TOMM40L: variants seen among roughly 807,000 people sequenced by gnomAD.
TOMM40L encodes the protein mitochondrial import receptor subunit TOM40B.
In TOMM40L, 17 loss-of-function variants were observed where a neutral mutation model predicts 38.3. That is an observed-to-expected ratio of 0.44 (90% CI 0.30 to 0.67). The LOEUF is 0.67. TOMM40L is among the 30% of genes least tolerant of loss of function. TOMM40L has a pLI of 0.08. For missense variants in TOMM40L, 294 were observed against 390.0 expected, an observed-to-expected ratio of 0.75 and a Z score of 2.07; for synonymous variants, 151 against 150.2, an observed-to-expected ratio of 1.01 and a Z score of -0.04.
rs888019100 is a variant in TOMM40L at position 161,227,314 on chromosome 1, G to A, written c.240G>A (p.Ala80=). 3 of 1,614,122 alleles carry A rather than the reference G, an allele frequency of 1.9e-6. No homozygotes were observed. Among genetic ancestry groups the A allele is most frequent in the Non-Finnish European group, 2.5e-6 (3 of 1,180,030 alleles). Residue 80 remains alanine, a synonymous_variant, in exon 4 of 10, where the codon GCG becomes GCA. Transcript: ENST00000367988. ...GCTTGCCGGGATATCACCTCCATGC[G>A]GCCTATGCAGGGGATTGGCAGCTCA... ...ALGLPGYHLH[A]AYAGDWQLSP...
rs1292298715 is a variant in TOMM40L at position 161,230,098 on chromosome 1, G to A, written c.*1003G>A. 1.4e-6 allele frequency: 1 copy of A among 722,428 alleles called. No individual in the cohort carries two copies. Among genetic ancestry groups the A allele is most frequent in the Non-Finnish European group, 2.2e-6 (1 of 449,106 alleles). 44.8% of individuals were successfully genotyped at this position (722,428 alleles called of 1,614,324 possible). A position where few individuals can be genotyped will look rare whatever the true frequency, so the allele number is the denominator to read the frequency against. On this transcript the variant is annotated 3_prime_UTR_variant, in exon 10 of 10. Coordinates refer to ENST00000367988, the MANE Select transcript of TOMM40L (RefSeq NM_032174.6). ...TATCAGAGGTTCCAAAGGTCCTCCA[G>A]GGGGCCTCGGTCTGACACTGTCTTC...
chr1:161,230,720 A>T lies in TOMM40L; in HGVS notation c.*1625A>T. On this transcript the variant is annotated 3_prime_UTR_variant, in exon 10 of 10. Transcript: ENST00000367988. ...CACGATACCTGAATTCCCTAAGGAA[A>T]GGACAGTAAAAAAACATTCCTCCCA... 1 of 1,554,714 alleles carries T rather than the reference A, an allele frequency of 6.4e-7. No individual in the cohort carries two copies. Among genetic ancestry groups the T allele is most frequent in the Non-Finnish European group, 8.8e-7 (1 of 1,137,014 alleles).
chr1:161,226,388 C>T lies in TOMM40L; in HGVS notation c.-102C>T. On this transcript the variant is annotated 5_prime_UTR_variant, in exon 2 of 10. Coordinates refer to ENST00000367988, the MANE Select transcript of TOMM40L (RefSeq NM_032174.6). ...TCGGACCATGTGGAAGTTTCTGAGGCTGGGGAGCCGGATAATGGGGGGTGG... is the reference window on the plus strand; with the variant it reads ...TCGGACCATGTGGAAGTTTCTGAGGTTGGGGAGCCGGATAATGGGGGGTGG... 3.9e-6 allele frequency: 4 copies of T among 1,021,130 alleles called. 1 individual carries two copies. The South Asian group carries it at 6.3e-5, about 16-fold the overall frequency. The allele number at this position is 1,021,130 out of a possible 1,614,324, so 63.3% of individuals were successfully genotyped here. A position where few individuals can be genotyped will look rare whatever the true frequency, so the allele number is the denominator to read the frequency against.
Position 161,226,972 on chromosome 1 carries a change from G to T in TOMM40L, c.183+17G>T. ...CATTTCCAGGTGCTCCCACTTCTCT[G>T]GCCCCTCCTTACTATTCCCCCTTTC... is the stretch of plus-strand genomic sequence containing the variant. On this transcript the variant is annotated intron_variant, in intron 3 of 9. Transcript: ENST00000367988. The T allele has an allele frequency of 6.2e-7, 1 of 1,613,896 alleles. No individual in the cohort carries two copies. Among genetic ancestry groups the T allele is most frequent in the Non-Finnish European group, 8.5e-7 (1 of 1,179,912 alleles).
Position 161,229,168 on chromosome 1 carries a change from C to T in TOMM40L, c.*73C>T. 1 of 1,603,462 alleles carries T rather than the reference C, an allele frequency of 6.2e-7. No individual in the cohort carries two copies. The highest frequency in any genetic ancestry group is 8.5e-7 in the Non-Finnish European group (1 of 1,172,476). On this transcript the variant is annotated 3_prime_UTR_variant, in exon 10 of 10. Coordinates refer to ENST00000367988, the MANE Select transcript of TOMM40L (RefSeq NM_032174.6). ...TGCCCTAGGGCCAAAGACTAGGCCC[C>T]TCTTCAGAGCCCACCTTGCTGGGTG...
chr1:161,227,313 C>T lies in TOMM40L; in HGVS notation c.239C>T (p.Ala80Val), dbSNP rs1380011177. 4.3e-6 allele frequency: 7 copies of T among 1,614,006 alleles called. No homozygotes were observed. The highest frequency in any genetic ancestry group is 1.3e-5 in the African/African-American group (1 of 74,896). ...ALGLPGYHLH[A>V]AYAGDWQLSP... ...GGCTTGCCGGGATATCACCTCCATG[C>T]GGCCTATGCAGGGGATTGGCAGCTC... Residue 80 changes from alanine (A) to valine (V), a missense_variant, in exon 4 of 10, where the codon GCG (alanine) becomes GTG (valine). Coordinates refer to ENST00000367988, the MANE Select transcript of TOMM40L (RefSeq NM_032174.6).
Position 161,230,270 on chromosome 1 carries a change from A to T in TOMM40L, c.*1175A>T. On this transcript the variant is annotated 3_prime_UTR_variant, in exon 10 of 10. Transcript: ENST00000367988. ...CTAGAAGGTGGATGTGTTCTATGGT[A>T]TAAAGCATCCCCTTTCTGGCCAAAC... 1 of 322,486 alleles carries T rather than the reference A, an allele frequency of 3.1e-6. No individual in the cohort carries two copies. Among genetic ancestry groups the T allele is most frequent in the East Asian group, 7.2e-5 (1 of 13,854 alleles). The allele number at this position is 322,486 out of a possible 1,614,324, so 20.0% of individuals were successfully genotyped here.
rs1336486253 is a variant in TOMM40L, at chr1:161,229,437, A to G, written c.*342A>G. ...TTCCTTTCCCTTTGGTTAATCCTGC[A>G]TGGGATTAGCTGACCATCCTGTTTT... On this transcript the variant is annotated 3_prime_UTR_variant, in exon 10 of 10. Transcript: ENST00000367988. The G allele has an allele frequency of 6.2e-6, 4 of 640,102 alleles. No individual in the cohort carries two copies. The highest frequency in any genetic ancestry group is 2.8e-5 in the East Asian group (1 of 35,992). 39.7% of individuals were successfully genotyped at this position (640,102 alleles called of 1,614,324 possible).
At position 161,229,352 on chromosome 1, in the gene TOMM40L, GAGA is replaced by G; in HGVS notation, c.*260_*262del. ...ATGCTCTTGTGGCTGTGGACTAAGGGAGAAGGATTAAGGGGTATGGCTGAATTC... is the reference window on the plus strand; with the variant it reads ...ATGCTCTTGTGGCTGTGGACTAAGGGAGGATTAAGGGGTATGGCTGAATTC... On this transcript the variant is annotated 3_prime_UTR_variant, in exon 10 of 10. Coordinates refer to ENST00000367988, the MANE Select transcript of TOMM40L (RefSeq NM_032174.6). 1 of 624,588 alleles carries G rather than the reference GAGA, an allele frequency of 1.6e-6. No individual in the cohort carries two copies. Among genetic ancestry groups the G allele is most frequent in the Non-Finnish European group, 2.8e-6 (1 of 361,344 alleles). 38.7% of individuals were successfully genotyped at this position (624,588 alleles called of 1,614,324 possible).
chr1:161,227,047 T>G, intron 3 of TOMM40L, 92 bp downstream of exon 3: 1 of 1,499,964 alleles, frequency 6.7e-7, no homozygotes. Flanking sequence ...CCCTAGCCAG[T>G]CTATGTGGGA....
chr1:161,226,736 G>A, intron 2 of TOMM40L, 132 bp downstream of exon 2: 1 of 1,259,808 alleles, frequency 7.9e-7, no homozygotes. Flanking sequence ...GGGAGGATCA[G>A]GTGCCCAAAT....
chr1:161,230,145 C>G lies in TOMM40L; in HGVS notation c.*1050C>G, dbSNP rs1261062849. ...CTTCTCTCACCATGCTCAGTTTTTT[C>G]TGAACCCAGAGCTCTGAGAGCCGAG... is the stretch of plus-strand genomic sequence containing the variant. On this transcript the variant is annotated 3_prime_UTR_variant, in exon 10 of 10. Transcript: ENST00000367988. The G allele has an allele frequency of 5.4e-6, 3 of 554,480 alleles. No homozygotes were observed. The East Asian group carries it at 9.7e-5, about 18-fold the overall frequency. 34.3% of individuals were successfully genotyped at this position (554,480 alleles called of 1,614,324 possible).
Position 161,229,532 on chromosome 1 carries a change from G to A in TOMM40L, c.*437G>A. On this transcript the variant is annotated 3_prime_UTR_variant, in exon 10 of 10. Coordinates refer to ENST00000367988, the MANE Select transcript of TOMM40L (RefSeq NM_032174.6). ...TAGATGTTTGGTCTCAGGAAGTGGG[G>A]CCCACCCATTCCCAGAAGGAGCTTC... is the stretch of plus-strand genomic sequence containing the variant. The A allele has an allele frequency of 8.9e-7, 1 of 1,123,636 alleles. No individual in the cohort carries two copies. The highest frequency in any genetic ancestry group is 1.5e-5 in the South Asian group (1 of 65,080). The allele number at this position is 1,123,636 out of a possible 1,614,324, so 69.6% of individuals were successfully genotyped here.
chr1:161,228,616 A>G, intron 8 of TOMM40L, 99 bp from the exon 9 acceptor site: 1 of 1,557,754 alleles, frequency 6.4e-7, no homozygotes, highest in Non-Finnish European at 8.8e-7. Flanking sequence ...CGCTGTGTAT[A>G]TATTTACATG....
chr1:161,227,142 T>C, intron 3 of TOMM40L, 116 bp from the exon 4 acceptor site: 1 of 1,221,252 alleles, frequency 8.2e-7, no homozygotes, highest in Non-Finnish European at 1.2e-6. Flanking sequence ...TCTGTATATG[T>C]TGGAATATTT....
At chr1:161,228,146 G>A in intron 6 of TOMM40L, 40 bp from the exon 7 acceptor site, 1 of 1,572,020 alleles carries the variant, frequency 6.4e-7, no homozygotes, top group East Asian at 2.2e-5. Flanking sequence ...TCTGGATATT[G>A]TCTCTATGAC....
At position 161,229,652 on chromosome 1, in the gene TOMM40L, G is replaced by A. The variant is rs769694595; in HGVS notation, c.*557G>A. 34 of 1,613,056 alleles carry A rather than the reference G, an allele frequency of 2.1e-5. No individual in the cohort carries two copies. Among genetic ancestry groups the A allele is most frequent in the East Asian group, 1.3e-4 (6 of 44,900 alleles). On this transcript the variant is annotated 3_prime_UTR_variant, in exon 10 of 10. Coordinates refer to ENST00000367988, the MANE Select transcript of TOMM40L (RefSeq NM_032174.6). ...GGTCACCCCCACTATCCCCATGACC[G>A]CATGAAGAGGCAGTTATTGCTTTAG... is the stretch of plus-strand genomic sequence containing the variant.
chr1:161,227,836 T>C lies in TOMM40L; in HGVS notation c.379-48T>C, dbSNP rs529587052. The C allele has an allele frequency of 4.4e-6, 7 of 1,608,332 alleles. No homozygotes were observed. The Admixed American group carries it at 8.3e-5, about 19-fold the overall frequency. ...TTGGAAGGAGGAGCAGAGTCTATAA[T>C]GATCATAAAGAGGGAGGGAGATTTT... On this transcript the variant is annotated intron_variant, in intron 5 of 9. Coordinates refer to ENST00000367988, the MANE Select transcript of TOMM40L (RefSeq NM_032174.6).
In TOMM40L at chr1:161,226,456, C is replaced by T; in HGVS notation, c.-34C>T. 6.3e-7 allele frequency: 1 copy of T among 1,591,282 alleles called. No homozygotes were observed. Among genetic ancestry groups the T allele is most frequent in the Non-Finnish European group, 8.6e-7 (1 of 1,164,036 alleles). On this transcript the variant is annotated 5_prime_UTR_variant, in exon 2 of 10. Transcript: ENST00000367988. ...AGGGGCAATAGCGTCCTTTCACAGG[C>T]TAACCTCGGCTCTTCCCAGTCCTCT...
Sources: gnomAD v4.1 joint callset for allele counts on GRCh38, gnomAD v4.1.1 for gene constraint, MANE v1.5 for transcripts, NCBI Gene and HGNC (gene_info 2026-07-23, HGNC 2026-07-21) for gene names.